Variants in FMNL2 observed in about 807,000 individuals in gnomAD.
FMNL2 encodes the protein formin-like protein 2.
In FMNL2, 51 loss-of-function variants were observed where a neutral mutation model predicts 130.2. That is an observed-to-expected ratio of 0.39 (90% CI 0.31 to 0.49). FMNL2 has a LOEUF of 0.49. FMNL2 is among the 20% of genes least tolerant of loss of function. The probability of loss-of-function intolerance (pLI) is 0.85; values close to 1 mark genes in which losing one functional copy is unlikely to be tolerated. For synonymous variants in FMNL2, 465 were observed against 467.1 expected, an observed-to-expected ratio of 1.00 and a Z score of 0.06; for missense variants, 977 against 1,316.2, an observed-to-expected ratio of 0.74 and a Z score of 3.99.
At chr2:152,587,875 G>A (rs1203399919) in intron 9 of FMNL2, among the ~76,000 whole-genome samples, 1 of 152,232 alleles carries the variant, frequency 6.6e-6, no homozygotes, top group Non-Finnish European at 1.5e-5. Flanking sequence ...AGTTGAGGAA[G>A]CAGATAAATA....
rs537342166 is a variant in FMNL2, at chr2:152,343,577, T to G, written c.117+7857T>G. Among the ~76,000 whole-genome samples, 19 of 152,076 alleles carry G rather than the reference T, an allele frequency of 1.2e-4. 1 individual carries two copies. In the South Asian group the frequency reaches 3.7e-3, roughly 30 times the overall value. On this transcript the variant is annotated intron_variant, in intron 1 of 25. Transcript: ENST00000288670. ...TCTCAAAGTGCTGGGATTACAGGCA[T>G]AAGCCACCACACCCGGCTTAAATAG...
intron 1 of FMNL2, among the ~76,000 whole-genome samples, chr2:152,381,339 G>C (rs1274802386): frequency 6.6e-6 from 1 of 152,128 alleles, no homozygotes; most frequent in African/African-American, 2.4e-5. Flanking sequence ...GGGTTTCCCT[G>C]AACAGACGAG....
At chr2:152,367,058 A>G (rs1205524334) in intron 1 of FMNL2, among the ~76,000 whole-genome samples, 2 of 107,060 alleles carry the variant, frequency 1.9e-5, no homozygotes, top group African/African-American at 2.7e-5. Context: ...CTACCCTGTT[A>G]TTGTGTGTGT....
chr2:152,378,112 G>GAAAAA (rs373312727), intron 1 of FMNL2, among the ~76,000 whole-genome samples: 1 of 120,114 alleles, frequency 8.3e-6, no homozygotes, highest in African/African-American at 3.2e-5. Context: ...ACCCTGTCTT[G>GAAAAA]AAAAAAAAAA....
At chr2:152,393,042 C>T (rs1283573067) in intron 1 of FMNL2, among the ~76,000 whole-genome samples, 2 of 152,146 alleles carry the variant, frequency 1.3e-5, no homozygotes, top group East Asian at 1.9e-4. Context: ...CTTGATGCTT[C>T]GAGTCACTTT....
intron 1 of FMNL2, among the ~76,000 whole-genome samples, chr2:152,473,752 C>A (rs1052360605): frequency 5.9e-5 from 9 of 152,290 alleles, no homozygotes; most frequent in African/African-American, 2.2e-4. Flanking sequence ...ATTGACAATA[C>A]CCTTCTGTTA....
intron 1 of FMNL2, among the ~76,000 whole-genome samples, chr2:152,373,190 A>G (rs1305168579): frequency 1.3e-5 from 2 of 152,236 alleles, no homozygotes; most frequent in East Asian, 3.8e-4. Flanking sequence ...AAATGATATG[A>G]AATATTATGA....
chr2:152,604,637 C>A (rs577234981), intron 9 of FMNL2, among the ~76,000 whole-genome samples: 11 of 152,228 alleles, frequency 7.2e-5, no homozygotes, highest in African/African-American at 2.4e-4. Context: ...ACTTTGTCGC[C>A]CAGGCTGGAA....
At chr2:152,398,560 A>C (rs1255068809) in intron 1 of FMNL2, among the ~76,000 whole-genome samples, 1 of 152,202 alleles carries the variant, frequency 6.6e-6, no homozygotes, top group Non-Finnish European at 1.5e-5. Flanking sequence ...TTTTTGAGCA[A>C]TTAATATGTA....
rs1558841087 is a variant in FMNL2, at chr2:152,412,494, AT to A, written c.117+76775del. Among the ~76,000 whole-genome samples the A allele has an allele frequency of 3.5e-4, 27 of 77,808 alleles. 1 individual carries two copies. The highest frequency in any genetic ancestry group is 1.3e-3 in the African/African-American group (24 of 18,980). The allele number at this position is 77,808 out of a possible 152,430, so 51.0% of individuals were successfully genotyped here. A position where few individuals can be genotyped will look rare whatever the true frequency, so the allele number is the denominator to read the frequency against. On this transcript the variant is annotated intron_variant, in intron 1 of 25. Coordinates refer to ENST00000288670, the MANE Select transcript of FMNL2 (RefSeq NM_052905.4). Reference sequence around the variant, plus strand: ...TATATATATATATATATATATATATATATATATAAATTAGAAAAAAATTGAA... The same window carrying A: ...TATATATATATATATATATATATATAATATATAAATTAGAAAAAAATTGAA...
At chr2:152,548,952 A>C (rs1694796014) in intron 3 of FMNL2, 69 bp from the exon 4 acceptor site, 46 of 1,208,198 alleles carry the variant, frequency 3.8e-5, no homozygotes, top group Non-Finnish European at 4.9e-5. Flanking sequence ...TGTTAAATTT[A>C]TTATAACTAA....
chr2:152,497,650 A>C (rs1263654854), intron 1 of FMNL2, among the ~76,000 whole-genome samples: 1 of 152,042 alleles, frequency 6.6e-6, no homozygotes, highest in South Asian at 2.1e-4. Flanking sequence ...TGCATACTGT[A>C]TTTTCTTATT....
At chr2:152,640,259 G>A (rs547942917) in intron 24 of FMNL2, among the ~76,000 whole-genome samples, 1 of 152,316 alleles carries the variant, frequency 6.6e-6, no homozygotes, top group South Asian at 2.1e-4. Context: ...GAGCATGTTT[G>A]TGTAGCATAT....
chr2:152,619,882 G>A (rs539675287), intron 15 of FMNL2, among the ~76,000 whole-genome samples, 164 bp downstream of exon 15: 104 of 151,932 alleles, frequency 6.8e-4, no homozygotes, highest in Non-Finnish European at 9.4e-4. Context: ...ACATCATCAC[G>A]CATGGGAGGC....
intron 1 of FMNL2, among the ~76,000 whole-genome samples, chr2:152,443,103 T>C (rs1275816986): frequency 6.6e-6 from 1 of 152,166 alleles, no homozygotes; most frequent in Non-Finnish European, 1.5e-5. Context: ...TGTCCAGAGA[T>C]ACTTATAGAC....
intron 1 of FMNL2, among the ~76,000 whole-genome samples, chr2:152,448,924 C>CT: frequency 6.6e-6 from 1 of 152,316 alleles, no homozygotes; most frequent in African/African-American, 2.4e-5. Context: ...CTGTTTAGTG[C>CT]TTTTAAGCCA....
chr2:152,582,184 G>T (rs1165358159), intron 9 of FMNL2, among the ~76,000 whole-genome samples: 2 of 152,218 alleles, frequency 1.3e-5, no homozygotes, highest in African/African-American at 4.8e-5. Flanking sequence ...TCCTTGAAAT[G>T]TGTTGAAGTT....
At chr2:152,511,877 G>T (rs1424766177) in intron 1 of FMNL2, among the ~76,000 whole-genome samples, 2 of 152,150 alleles carry the variant, frequency 1.3e-5, no homozygotes, top group African/African-American at 4.8e-5. Flanking sequence ...TGGCTTTCTT[G>T]TGGTAGAATC....
intron 1 of FMNL2, among the ~76,000 whole-genome samples, chr2:152,408,868 T>C (rs1236559500): frequency 6.6e-6 from 1 of 152,176 alleles, no homozygotes; most frequent in Non-Finnish European, 1.5e-5. Context: ...TATATCGCTT[T>C]TGCACCATTG....
Sources: gnomAD v4.1 joint callset for allele counts (sites outside exome capture counted in the v4.1 genomes callset) on GRCh38, gnomAD v4.1.1 for gene constraint, MANE v1.5 for transcripts, NCBI Gene and HGNC (gene_info 2026-07-23, HGNC 2026-07-21) for gene names.